CRB2: variants seen among roughly 807,000 people sequenced by gnomAD.
The protein encoded by CRB2 is protein crumbs homolog 2.
A neutral mutation model predicts 110.9 loss-of-function variants in CRB2; 85 were observed. The ratio of observed to expected loss-of-function variants is 0.77; its 90% CI spans 0.64 to 0.92. The LOEUF is 0.92. CRB2 is among the 40% of genes least tolerant of loss of function. CRB2 has a pLI of 0.00. For synonymous variants in CRB2, 907 were observed against 831.0 expected (o/e 1.09, Z -1.57); for missense variants, 1,843 against 1,851.3 (o/e 1.00, Z 0.08).
rs1388285570 is a variant in CRB2 at position 123,370,244 on chromosome 9, C to A, written c.1191C>A (p.Leu397=). The A allele has an allele frequency of 1.2e-6, 2 of 1,613,304 alleles. No homozygotes were observed. The highest frequency in any genetic ancestry group is 3.3e-5 in the Admixed American group (2 of 60,028). ...TWGGRDCSVQ[L]TGCQGHTCPL... ...GTGGGCGCGACTGTTCTGTGCAGCT[C>A]ACTGGCTGCCAGGGCCACACCTGCC... Residue 397 remains leucine, a synonymous_variant, in exon 7 of 13, where the codon CTC becomes CTA. Transcript: ENST00000373631.
chr9:123,359,327 C>G (rs1201840704), intron 1 of CRB2, among the ~76,000 whole-genome samples: 1 of 151,766 alleles, frequency 6.6e-6, no homozygotes, highest in East Asian at 1.9e-4. Flanking sequence ...AGTTCCCACA[C>G]CTTATGAGAT....
rs150852708 is a variant in CRB2 at position 123,377,871 on chromosome 9, G to A, written c.*809G>A. ...TTGTCAAAGGGGGAAGGCACCCACT[G>A]CCTACCTCACAGGGCTGTTGTGAGG... On this transcript the variant is annotated 3_prime_UTR_variant, in exon 13 of 13. Transcript: ENST00000373631. The A allele has an allele frequency of 0.01, 1,568 of 152,404 alleles. 27 individuals are homozygous for A. The highest frequency in any genetic ancestry group is 0.011 in the Non-Finnish European group (754 of 68,062). 9.4% of individuals were successfully genotyped at this position (152,404 alleles called of 1,614,324 possible).
In CRB2 at chr9:123,376,875, A is replaced by C. The variant is rs1376781508; in HGVS notation, c.3671A>C (p.Glu1224Ala). Residue 1224 changes from glutamate to alanine, a missense_variant, in exon 13 of 13, where the codon GAG becomes GCG. Physicochemically the swap from Glu to Ala is moderately radical, Grantham distance 107. Coordinates refer to ENST00000373631, the MANE Select transcript of CRB2 (RefSeq NM_173689.7). Reference sequence around the variant, plus strand: ...CTGCCGCTGCCATTCCCACTGCTGGAGGTGGCCGTACCTGCAGCCTGTGCC... The same window carrying C: ...CTGCCGCTGCCATTCCCACTGCTGGCGGTGGCCGTACCTGCAGCCTGTGCC... ...LPLPLPFPLL[E>A]VAVPAACACL... 3.1e-6 allele frequency: 5 copies of C among 1,609,664 alleles called. No individual in the cohort carries two copies. The highest frequency in any genetic ancestry group is 4.2e-6 in the Non-Finnish European group (5 of 1,179,398).
At position 123,363,111 on chromosome 9, in the gene CRB2, C is replaced by A; in HGVS notation, c.341C>A (p.Ser114Tyr). Residue 114 changes from serine to tyrosine, a missense_variant, in exon 2 of 13, where the codon TCC becomes TAC. Transcript: ENST00000373631. ...GAGCTGGACATCGATGAGTGTGCAT[C>A]CCGGCCGTGCCACCATGGGGCCACC... The part of the protein sequence containing the change: ...RCELDIDECA[S>Y]RPCHHGATCR... The A allele has an allele frequency of 6.2e-7, 1 of 1,611,072 alleles. No homozygotes were observed. Among genetic ancestry groups the A allele is most frequent in the South Asian group, 1.1e-5 (1 of 91,056 alleles).
chr9:123,360,094 A>C (rs894525529), intron 1 of CRB2, among the ~76,000 whole-genome samples: 3 of 152,232 alleles, frequency 2.0e-5, no homozygotes, highest in Admixed American at 6.5e-5. Flanking sequence ...TCTTCGTCTC[A>C]ACCTGGGCAA....
In CRB2 at chr9:123,373,379, C is replaced by CGCGTGGCCGA; in HGVS notation, c.2849_2858dup (p.Asp953GlufsTer43). 2 of 1,432,270 alleles carry CGCGTGGCCGA rather than the reference C, an allele frequency of 1.4e-6. No homozygotes were observed. The highest frequency in any genetic ancestry group is 1.8e-6 in the Non-Finnish European group (2 of 1,099,558). 88.7% of individuals were successfully genotyped at this position (1,432,270 alleles called of 1,614,324 possible). A position where few individuals can be genotyped will look rare whatever the true frequency, so the allele number is the denominator to read the frequency against. ...CGCTGTGCTGCCCATACCGGGGCCG[C>CGCGTGGCCGA]GCGTGGCCGATGGTGCCTGGCACCG... On this transcript the variant is annotated frameshift_variant, in exon 10 of 13. Transcript: ENST00000373631. LOFTEE classifies it high-confidence loss of function.
Position 123,376,988 on chromosome 9 carries a change from C to G in CRB2, c.3784C>G (p.Gln1262Glu). The G allele has an allele frequency of 6.2e-7, 1 of 1,609,320 alleles. No homozygotes were observed. Among genetic ancestry groups the G allele is most frequent in the Non-Finnish European group, 8.5e-7 (1 of 1,178,630 alleles). ...RQSEGTYSPS[Q>E]QEVAGARLEM... ...GTCTGAGGGCACCTACAGCCCAAGC[C>G]AGCAGGAGGTGGCTGGGGCCCGGCT... The change falls in exon 13 of 13, where the codon CAG (glutamine) becomes GAG (glutamate). Residue 1262 changes from glutamine (Q) to glutamate (E), a missense_variant. Transcript: ENST00000373631.
Position 123,371,155 on chromosome 9 carries a change from A to G in CRB2, c.2013A>G (p.Thr671=), listed in dbSNP as rs758850234. The change falls in exon 8 of 13, where the codon ACA becomes ACG. Residue 671 remains threonine (T), a synonymous_variant. Transcript: ENST00000373631. The part of the protein sequence containing the change: ...LLQELPGPNL[T]VSFLLRTRES... ...AAGAGCTGCCAGGTCCCAACCTCAC[A>G]GTGTCTTTCCTTCTCCGCACTCGGG... 1.9e-6 allele frequency: 3 copies of G among 1,613,686 alleles called. No homozygotes were observed. The highest frequency in any genetic ancestry group is 2.2e-5 in the South Asian group (2 of 91,082).
chr9:123,377,009 C>G lies in CRB2; in HGVS notation c.3805C>G (p.Arg1269Gly), dbSNP rs1402257235. The G allele has an allele frequency of 6.2e-7, 1 of 1,608,630 alleles. No individual in the cohort carries two copies. The highest frequency in any genetic ancestry group is 8.5e-7 in the Non-Finnish European group (1 of 1,178,304). The part of the protein sequence containing the change: ...SPSQQEVAGA[R>G]LEMDSVLKVP... The stretch of plus-strand genomic sequence containing the variant: ...AAGCCAGCAGGAGGTGGCTGGGGCC[C>G]GGCTGGAGATGGACAGTGTCCTCAA... The change falls in exon 13 of 13, where the codon CGG becomes GGG. Residue 1269 changes from arginine to glycine, a missense_variant. Physicochemically the swap from Arg to Gly is moderately radical, Grantham distance 125 (BLOSUM62 -2). Transcript: ENST00000373631.
chr9:123,379,126 CTGT>C (rs2042159913), downstream of CRB2, among the ~76,000 whole-genome samples: 3 of 32,838 alleles, frequency 9.1e-5, no homozygotes, highest in East Asian at 5.1e-3. Flanking sequence ...CGTTTTCAGC[CTGT>C]CAGTCAGTCA....
chr9:123,368,819 G>T (rs1397709591), intron 6 of CRB2: 2 of 1,226,240 alleles, frequency 1.6e-6, no homozygotes, highest in Non-Finnish European at 2.1e-6. Context: ...GGGCCAGGCA[G>T]GGAGCTCTGC....
At chr9:123,378,821 T>TTG (rs1564383064), downstream of CRB2, 4 of 130,732 alleles carry the variant, frequency 3.1e-5, no homozygotes, top group Admixed American at 7.5e-5. Context: ...TTTTTTTTTT[T>TTG]TTTTTTTTTT....
chr9:123,379,482 A>G (rs1482996821), downstream of CRB2, among the ~76,000 whole-genome samples: 1 of 152,188 alleles, frequency 6.6e-6, no homozygotes, highest in Non-Finnish European at 1.5e-5. Context: ...GCAGAGCATG[A>G]GCTGGCTTAG....
intron 12 of CRB2, among the ~76,000 whole-genome samples, chr9:123,375,980 T>G (rs949919189): frequency 6.6e-6 from 1 of 152,102 alleles, no homozygotes; most frequent in Non-Finnish European, 1.5e-5. Context: ...TCTACAGGCT[T>G]CTGGCAGCCT....
rs375773781 is a variant in CRB2, at chr9:123,359,441, G to GTTTTTTTTTTT, written c.94+3102_94+3112dup. Among the ~76,000 whole-genome samples the GTTTTTTTTTTT allele has an allele frequency of 6.7e-4, 63 of 94,414 alleles. 1 individual carries two copies. Among genetic ancestry groups the GTTTTTTTTTTT allele is most frequent in the African/African-American group, 1.1e-3 (19 of 17,162 alleles). 61.9% of individuals were successfully genotyped at this position (94,414 alleles called of 152,430 possible). ...GTTTGTGGTTTTTCGTTTTTGTTTT[G>GTTTTTTTTTTT]TTTTTTTTTTTTTTTTTTTTTTTTT... On this transcript the variant is annotated intron_variant, in intron 1 of 12. Transcript: ENST00000373631.
intron 5 of CRB2, 62 bp from the exon 6 acceptor site, chr9:123,367,511 C>T: frequency 7.0e-7 from 1 of 1,426,598 alleles, no homozygotes; most frequent in Non-Finnish European, 9.5e-7. Context: ...ATAGAATGGA[C>T]CCTCTCAGCC....
At chr9:123,375,903 C>T (rs997438298) in intron 12 of CRB2, among the ~76,000 whole-genome samples, 60 of 152,012 alleles carry the variant, frequency 3.9e-4, no homozygotes, top group Middle Eastern at 3.2e-3. Context: ...CTTCCTGGGG[C>T]GGGGTGGGGG....
chr9:123,368,831 T>C (rs2488603), intron 6 of CRB2: 1,244,148 of 1,244,454 alleles, frequency 1, 621,921 homozygotes, highest in Middle Eastern at 1. Flanking sequence ...GAGCTCTGCC[T>C]CCTCCCCACT....
Position 123,377,048 on chromosome 9 carries a change from G to A in CRB2, c.3844G>A (p.Glu1282Lys), listed in dbSNP as rs1208349495. Residue 1282 changes from glutamate (E) to lysine (K), a missense_variant, in exon 13 of 13, where the codon GAG (glutamate) becomes AAG (lysine). By Grantham distance (56) the Glu-to-Lys change is moderately conservative (BLOSUM62 1). Coordinates refer to ENST00000373631, the MANE Select transcript of CRB2 (RefSeq NM_173689.7). ...CAGTGTCCTCAAGGTGCCACCGGAG[G>A]AGAGACTCATCTAGGCCAGCCTGGC... ...MDSVLKVPPE[E>K]RLI 2 of 1,585,008 alleles carry A rather than the reference G, an allele frequency of 1.3e-6. No homozygotes were observed. The highest frequency in any genetic ancestry group is 1.7e-6 in the Non-Finnish European group (2 of 1,164,538).
Sources: allele counts gnomAD v4.1 joint callset (sites outside exome capture counted in the v4.1 genomes callset), GRCh38; gene constraint gnomAD v4.1.1; transcripts MANE v1.5; gene names NCBI Gene and HGNC (gene_info 2026-07-23, HGNC 2026-07-21).